The following AGBL4 variants were observed in gnomAD, a reference collection of about 807,000 sequenced individuals.
The protein encoded by AGBL4 is AGBL carboxypeptidase 4.
In AGBL4, 58 loss-of-function variants were observed where a neutral mutation model predicts 66.4. That is an observed-to-expected ratio of 0.87 (90% confidence interval 0.71 to 1.09). The LOEUF is 1.09. AGBL4 is among the 50% of genes least tolerant of loss of function. The pLI, the probability that AGBL4 is intolerant of heterozygous loss-of-function variation, is 0.00. For missense variants in AGBL4, 579 were observed against 631.0 expected, an observed-to-expected ratio of 0.92 and a Z score of 0.88; for synonymous variants, 234 against 222.9, an observed-to-expected ratio of 1.05 and a Z score of -0.44.
chr1:48,806,375 C>G (rs1405826573), intron 6 of AGBL4, among the ~76,000 whole-genome samples: 10 of 152,176 alleles, frequency 6.6e-5, no homozygotes, highest in Non-Finnish European at 1.0e-4. Context: ...CACACTCCAG[C>G]AGGGACAGAG....
At chr1:49,955,244 T>C (rs1656497201) in intron 1 of AGBL4, among the ~76,000 whole-genome samples, 1 of 151,970 alleles carries the variant, frequency 6.6e-6, no homozygotes, top group African/African-American at 2.4e-5. Flanking sequence ...CTTGGCCATC[T>C]AGATTCACCA....
At chr1:48,558,563 C>T (rs1448834634) in intron 11 of AGBL4, among the ~76,000 whole-genome samples, 1 of 152,180 alleles carries the variant, frequency 6.6e-6, no homozygotes, top group African/African-American at 2.4e-5. Context: ...ATACCTGACT[C>T]AGTTTTGGAA....
chr1:48,965,534 C>A (rs1423586356), intron 5 of AGBL4, among the ~76,000 whole-genome samples: 2 of 152,164 alleles, frequency 1.3e-5, no homozygotes, highest in East Asian at 3.9e-4. Flanking sequence ...ATGAATTTCA[C>A]CACAGTGGTA....
intron 3 of AGBL4, among the ~76,000 whole-genome samples, chr1:49,670,763 A>C (rs1273554616): frequency 6.6e-6 from 1 of 152,172 alleles, no homozygotes; most frequent in African/African-American, 2.4e-5. Context: ...CAGACACAAA[A>C]GAAGTGACTT....
chr1:49,124,959 G>A lies in AGBL4; in HGVS notation c.378-79159C>T, dbSNP rs140452946. ...TATGTTTGCTAGTCTCTTGAGGAGT[G>A]TGAATTAGCCCACAGGACCCCAAAG... On this transcript the variant is annotated intron_variant, in intron 4 of 13. Transcript: ENST00000371839. 9.6e-4 allele frequency among the ~76,000 whole-genome samples: 146 copies of A among 152,294 alleles called. 1 individual carries two copies. The highest frequency in any genetic ancestry group is 3.2e-3 in the African/African-American group (134 of 41,572).
Position 49,753,682 on chromosome 1 carries a change from C to G in AGBL4, c.158-56245G>C, listed in dbSNP as rs112707722. Among the ~76,000 whole-genome samples, 273 of 152,324 alleles carry G rather than the reference C, an allele frequency of 1.8e-3. 3 individuals are homozygous for G. Among genetic ancestry groups the G allele is most frequent in the African/African-American group, 6.1e-3 (255 of 41,574 alleles). The stretch of plus-strand genomic sequence containing the variant: ...CAGTGTTTCCCAACTTGGTTCCATT[C>G]TGCCCCTCACTTTCAGGTATGCCAA... On this transcript the variant is annotated intron_variant, in intron 2 of 13. Coordinates refer to ENST00000371839, the MANE Select transcript of AGBL4 (RefSeq NM_032785.4).
At chr1:49,701,605 AAGAAAGC>A (rs1246572647) in intron 2 of AGBL4, among the ~76,000 whole-genome samples, 1 of 152,114 alleles carries the variant, frequency 6.6e-6, no homozygotes, top group Non-Finnish European at 1.5e-5. Flanking sequence ...AATAAACCCA[AAGAAAGC>A]AGAATAAAGA....
At chr1:49,634,800 G>C (rs553039442) in intron 3 of AGBL4, among the ~76,000 whole-genome samples, 1 of 152,124 alleles carries the variant, frequency 6.6e-6, no homozygotes, top group Non-Finnish European at 1.5e-5. Context: ...AGTGGTTCTA[G>C]TAAGATAAAT....
At chr1:49,854,258 C>G (rs1646378420) in intron 1 of AGBL4, among the ~76,000 whole-genome samples, 1 of 151,762 alleles carries the variant, frequency 6.6e-6, no homozygotes, top group Non-Finnish European at 1.5e-5. Context: ...AATAAAGTGC[C>G]TAAGTGAGAA....
chr1:49,288,183 G>T (rs1334625349), intron 3 of AGBL4, among the ~76,000 whole-genome samples: 1 of 131,980 alleles, frequency 7.6e-6, no homozygotes, highest in African/African-American at 2.9e-5. Context: ...ATGGACACAG[G>T]AAGGGGAATA....
At chr1:48,647,307 C>T (rs1295961067) in intron 8 of AGBL4, among the ~76,000 whole-genome samples, 1 of 152,216 alleles carries the variant, frequency 6.6e-6, no homozygotes, top group African/African-American at 2.4e-5. Flanking sequence ...AGAAATTTCA[C>T]AGCATTCTGC....
intron 11 of AGBL4, among the ~76,000 whole-genome samples, chr1:48,558,247 C>A (rs948510740): frequency 3.3e-5 from 5 of 152,170 alleles, no homozygotes; most frequent in African/African-American, 1.2e-4. Flanking sequence ...ACTTTAGTGA[C>A]CTTCATATTT....
rs996363635 is a variant in AGBL4 at position 49,659,773 on chromosome 1, T to C, written c.282+37540A>G. ...TCAGCTCTGGACCAAGTGGACCTGA[T>C]AGATATATACAGAACTTGCCACCCC... On this transcript the variant is annotated intron_variant, in intron 3 of 13. Coordinates refer to ENST00000371839, the MANE Select transcript of AGBL4 (RefSeq NM_032785.4). Among the ~76,000 whole-genome samples the C allele has an allele frequency of 5.3e-5, 8 of 152,132 alleles. No individual in the cohort carries two copies. In the East Asian group the frequency reaches 1.5e-3, roughly 29 times the overall value.
At chr1:48,671,495 T>C (rs1386149323) in intron 6 of AGBL4, among the ~76,000 whole-genome samples, 2 of 152,218 alleles carry the variant, frequency 1.3e-5, no homozygotes, top group Non-Finnish European at 2.9e-5. Flanking sequence ...TAAATCCAAG[T>C]CCTGCCACAG....
chr1:48,744,161 C>T (rs1280697757), intron 6 of AGBL4, among the ~76,000 whole-genome samples: 11 of 152,170 alleles, frequency 7.2e-5, no homozygotes, highest in Admixed American at 7.2e-4. Context: ...TCTGACAGCA[C>T]CTCCCAATTA....
At chr1:49,297,448 G>A (rs975456507) in intron 3 of AGBL4, among the ~76,000 whole-genome samples, 5 of 152,174 alleles carry the variant, frequency 3.3e-5, no homozygotes, top group African/African-American at 7.2e-5. Flanking sequence ...TGTAGAATAC[G>A]CCAGGGAAAT....
At chr1:49,038,171 T>C (rs1664812404) in intron 5 of AGBL4, among the ~76,000 whole-genome samples, 1 of 152,260 alleles carries the variant, frequency 6.6e-6, no homozygotes, top group African/African-American at 2.4e-5. Flanking sequence ...CCTCAGAGTC[T>C]AGATAATGCT....
intron 4 of AGBL4, among the ~76,000 whole-genome samples, chr1:49,229,451 G>A (rs925043): frequency 0.89 from 135,705 of 152,174 alleles, 61,076 homozygotes; most frequent in South Asian, 0.95. Context: ...CTACCTGCAC[G>A]TGGTCCTGTT....
chr1:49,117,642 G>T lies in AGBL4; in HGVS notation c.378-71842C>A, dbSNP rs545876501. ...CTGTAGCCTTGTAGTATAGTTTGAA[G>T]TCAAGTAGCGTGATGCCTCCAGCTT... On this transcript the variant is annotated intron_variant, in intron 4 of 13. Coordinates refer to ENST00000371839, the MANE Select transcript of AGBL4 (RefSeq NM_032785.4). 2.6e-5 allele frequency among the ~76,000 whole-genome samples: 4 copies of T among 152,344 alleles called. No homozygotes were observed. In the South Asian group the frequency reaches 8.3e-4, roughly 32 times the overall value.
Sources: allele counts gnomAD v4.1 joint callset (sites outside exome capture counted in the v4.1 genomes callset), GRCh38; gene constraint gnomAD v4.1.1; transcripts MANE v1.5; gene names NCBI Gene and HGNC (gene_info 2026-07-23, HGNC 2026-07-21).